Variants in RNF123 observed in about 807,000 individuals in gnomAD.
RNF123 encodes ring finger protein 123.
In RNF123, 86 loss-of-function variants were observed where a neutral mutation model predicts 168.5. The observed-to-expected ratio is 0.51, with a 90% CI of 0.43 to 0.61. The LOEUF is 0.61. RNF123 is among the 20% of genes least tolerant of loss of function. The pLI is 0.00. For missense variants in RNF123, 1,419 were observed against 1,729.7 expected (o/e 0.82, Z 3.19); for synonymous variants, 666 against 689.1 (o/e 0.97, Z 0.52).
rs757328104 is a variant in RNF123, at chr3:49,701,861, G to A, written c.1446G>A (p.Arg482=). Residue 482 remains arginine, a synonymous_variant, in exon 17 of 39, where the codon CGG becomes CGA. Coordinates refer to ENST00000327697, the MANE Select transcript of RNF123 (RefSeq NM_022064.5). Reference sequence around the variant, plus strand: ...AGGAGACCGCAGAGGAGCGGCTGCGGCGGCGAGCCTACGAACGGGGCTGTC... The same window carrying A: ...AGGAGACCGCAGAGGAGCGGCTGCGACGGCGAGCCTACGAACGGGGCTGTC... ...MKEETAEERL[R]RRAYERGCQR... is the part of the protein sequence containing the mutation. 8.3e-6 allele frequency: 13 copies of A among 1,570,732 alleles called. No individual in the cohort carries two copies. The highest frequency in any genetic ancestry group is 1.1e-5 in the Non-Finnish European group (13 of 1,158,600).
intron 1 of RNF123, among the ~76,000 whole-genome samples, chr3:49,690,661 G>A (rs2054133514): frequency 6.6e-6 from 1 of 152,244 alleles, no homozygotes; most frequent in Admixed American, 6.5e-5. Flanking sequence ...TGGGGAGTAA[G>A]TGGGACTTAT....
At chr3:49,702,552 A>T in intron 19 of RNF123, 81 bp from the exon 20 acceptor site, 7 of 1,610,986 alleles carry the variant, frequency 4.3e-6, no homozygotes, top group Non-Finnish European at 5.9e-6. Flanking sequence ...TTAACCCTCG[A>T]CCCTCAGGCA....
Position 49,705,974 on chromosome 3 carries a change from C to T in RNF123, c.2305-8C>T. 1 of 1,613,318 alleles carries T rather than the reference C, an allele frequency of 6.2e-7. No homozygotes were observed. Among genetic ancestry groups the T allele is most frequent in the Non-Finnish European group, 8.5e-7 (1 of 1,179,524 alleles). On this transcript the variant is annotated splice_region_variant and splice_polypyrimidine_tract_variant and intron_variant, in intron 24 of 38. Transcript: ENST00000327697. ...GGCACTCTGGACATGTGGTCCCATG[C>T]TGTGTAGATGGTGGGTGTCTCCGAT...
Position 49,714,155 on chromosome 3 carries a change from C to A in RNF123, c.2991C>A (p.Ala997=). Residue 997 remains alanine (A), a synonymous_variant, in exon 31 of 39, where the codon GCC becomes GCA. Coordinates refer to ENST00000327697, the MANE Select transcript of RNF123 (RefSeq NM_022064.5). ...TGCTGAAAACCAAACTTGAGGACGC[C>A]AATTTGCCCAGCCTCCAGAGTGAGT... is the stretch of plus-strand genomic sequence containing the variant. ...PHLLKTKLED[A]NLPSLQKPCP... is the part of the protein sequence containing the mutation. 6.2e-7 allele frequency: 1 copy of A among 1,614,176 alleles called. No individual in the cohort carries two copies. Among genetic ancestry groups the A allele is most frequent in the Admixed American group, 1.7e-5 (1 of 60,030 alleles).
intron 38 of RNF123, 27 bp from the exon 39 acceptor site, chr3:49,721,158 C>T (rs984447132): frequency 6.2e-7 from 1 of 1,614,124 alleles, no homozygotes. Flanking sequence ...ACATGCAGGG[C>T]AGTCCTCATC....
At chr3:49,704,601 G>GC (rs2054474098) in intron 21 of RNF123, 49 bp from the exon 22 acceptor site, 2 of 1,503,390 alleles carry the variant, frequency 1.3e-6, no homozygotes, top group East Asian at 4.6e-5. Flanking sequence ...TTCCACTGTG[G>GC]CCCCTTGCGC....
At position 49,705,123 on chromosome 3, in the gene RNF123, G is replaced by A; in HGVS notation, c.2099G>A (p.Ser700Asn). The change falls in exon 23 of 39, where the codon AGC (serine) becomes AAC (asparagine). Residue 700 changes from serine to asparagine, a missense_variant. Physicochemically the swap from Ser to Asn is conservative, Grantham distance 46. Coordinates refer to ENST00000327697, the MANE Select transcript of RNF123 (RefSeq NM_022064.5). ...CTCATGACCCCACGGCGGCCTCTGA[G>A]CACCTCGGAGAAAGTGAAGGTCCGC... is the stretch of plus-strand genomic sequence containing the variant. ...VSLMTPRRPL[S>N]TSEKVKVRTL... 6.2e-7 allele frequency: 1 copy of A among 1,609,952 alleles called. No individual in the cohort carries two copies. The highest frequency in any genetic ancestry group is 8.5e-7 in the Non-Finnish European group (1 of 1,178,124).
chr3:49,700,817 G>T (rs1195903618), intron 15 of RNF123, 108 bp downstream of exon 15: 3 of 1,183,402 alleles, frequency 2.5e-6, no homozygotes, highest in Non-Finnish European at 3.7e-6. Context: ...GGAGCATCAG[G>T]AGGACCAGAG....
At chr3:49,707,003 C>A in intron 26 of RNF123, 105 bp downstream of exon 26, 1 of 824,122 alleles carries the variant, frequency 1.2e-6, no homozygotes, top group Non-Finnish European at 2.1e-6. Context: ...AGGCCTCTGG[C>A]ACACACATGT....
rs764245545 is a variant in RNF123 at position 49,704,775 on chromosome 3, G to A, written c.1959+19G>A. 1.9e-6 allele frequency: 3 copies of A among 1,555,594 alleles called. No individual in the cohort carries two copies. The East Asian group carries it at 7.0e-5, about 36-fold the overall frequency. On this transcript the variant is annotated intron_variant, in intron 22 of 38. Transcript: ENST00000327697. ...GGCCCAGGTGCCGCAGTGGGGGCAG[G>A]CGGTGGGATTTGTGTTGGGCTTATC...
rs772035555 is a variant in RNF123 at position 49,699,683 on chromosome 3, G to A, written c.895G>A (p.Asp299Asn). Residue 299 changes from aspartate to asparagine, a missense_variant, in exon 12 of 39, where the codon GAC becomes AAC. Physicochemically the swap from Asp to Asn is conservative, Grantham distance 23. Transcript: ENST00000327697. This position sits in a 1 kb window ranked among gnomAD's most constrained non-coding sequence, Gnocchi z 4.8. ...ELDPVEGRLL[D>N]KESSKWRLRG... ...CTCCACACAGGAGGGGCGGCTGTTGGACAAGGAGAGCTCCAAGTGGCGGTT... is the reference window on the plus strand; with the variant it reads ...CTCCACACAGGAGGGGCGGCTGTTGAACAAGGAGAGCTCCAAGTGGCGGTT... The A allele has an allele frequency of 6.2e-7, 1 of 1,613,894 alleles. No homozygotes were observed. The highest frequency in any genetic ancestry group is 1.3e-5 in the African/African-American group (1 of 75,036).
At chr3:49,713,360 G>A (rs2080179210) in intron 27 of RNF123, 153 bp from the exon 28 acceptor site, 1 of 678,814 alleles carries the variant, frequency 1.5e-6, no homozygotes, top group Non-Finnish European at 2.5e-6. Flanking sequence ...ACCAATGAAT[G>A]CTTTGCCCGA....
chr3:49,710,529 C>G (rs2080124023), intron 26 of RNF123, among the ~76,000 whole-genome samples: 1 of 152,200 alleles, frequency 6.6e-6, no homozygotes, highest in East Asian at 1.9e-4. Flanking sequence ...ATCCGCCTGC[C>G]TCGGCCTCCC....
intron 15 of RNF123, 74 bp downstream of exon 15, chr3:49,700,783 T>C: frequency 6.6e-7 from 1 of 1,513,884 alleles, no homozygotes; most frequent in Non-Finnish European, 9.1e-7. Context: ...GGAAGGGGAG[T>C]GTCATCAGGC....
intron 26 of RNF123, among the ~76,000 whole-genome samples, chr3:49,711,447 T>C (rs2080143687): frequency 6.6e-6 from 1 of 152,092 alleles, no homozygotes; most frequent in Non-Finnish European, 1.5e-5. Context: ...CACATTTCCA[T>C]CTCCTTTGCA....
At position 49,716,494 on chromosome 3, in the gene RNF123, G is replaced by T; in HGVS notation, c.3500+17G>T. The T allele has an allele frequency of 1.9e-6, 3 of 1,604,958 alleles. No individual in the cohort carries two copies. The highest frequency in any genetic ancestry group is 2.6e-6 in the Non-Finnish European group (3 of 1,172,902). ...AGCCTCAGAGTGAGTGTTGGGGACC[G>T]TGGGCCCCTGTGGGAGTTGGGTGTG... On this transcript the variant is annotated intron_variant, in intron 35 of 38. Transcript: ENST00000327697.
At chr3:49,704,027 G>T (rs1396761524) in intron 21 of RNF123, among the ~76,000 whole-genome samples, 1 of 152,206 alleles carries the variant, frequency 6.6e-6, no homozygotes, top group Non-Finnish European at 1.5e-5. Context: ...GTGGAGGAGA[G>T]GAGTCAGGAT....
intron 35 of RNF123, chr3:49,719,241 G>A (rs200266739): frequency 3.0e-5 from 49 of 1,613,182 alleles, no homozygotes; most frequent in Admixed American, 2.3e-4. Flanking sequence ...CGGGGCGCAG[G>A]CGCTGGAGCG....
chr3:49,691,468 C>T lies in RNF123; in HGVS notation c.126C>T (p.Ile42=), dbSNP rs756355798. 1 of 1,614,114 alleles carries T rather than the reference C, an allele frequency of 6.2e-7. No homozygotes were observed. The highest frequency in any genetic ancestry group is 1.7e-5 in the Admixed American group (1 of 59,998). ...EKLLNDYLNR[I]FSSSEHAPPA... is the part of the protein sequence containing the mutation. ...TGCTGAATGACTACCTGAACCGCAT[C>T]TTTTCCTCTTCTGAACATGCACCCC... Residue 42 remains isoleucine (I), a synonymous_variant, in exon 3 of 39, where the codon ATC becomes ATT. Coordinates refer to ENST00000327697, the MANE Select transcript of RNF123 (RefSeq NM_022064.5).
Sources: allele counts gnomAD v4.1 joint callset (sites outside exome capture counted in the v4.1 genomes callset), GRCh38; gene constraint gnomAD v4.1.1; non-coding constraint Gnocchi (gnomAD v3.1); transcripts MANE v1.5; gene names NCBI Gene and HGNC (gene_info 2026-07-23, HGNC 2026-07-21).